Variants in ABCF2 observed in about 807,000 individuals in gnomAD.
The protein encoded by ABCF2 is ATP binding cassette subfamily F member 2.
ABCF2 carries 37 observed loss-of-function variants against 76.9 expected under a neutral mutation model. The observed-to-expected ratio is 0.48, with a 90% CI of 0.37 to 0.63. The LOEUF (loss-of-function observed/expected upper bound fraction) is 0.63, where lower values mean the gene tolerates loss of function less well. Ranked by LOEUF, ABCF2 falls within the 30% of genes least tolerant of loss-of-function variation. The probability of loss-of-function intolerance (pLI) is 0.00; values close to 1 mark genes in which losing one functional copy is unlikely to be tolerated. For missense variants in ABCF2, 524 were observed against 782.1 expected, an observed-to-expected ratio of 0.67 and a Z score of 3.94; for synonymous variants, 299 against 283.7, an observed-to-expected ratio of 1.05 and a Z score of -0.54.
Position 151,226,437 on chromosome 7 carries a change from T to C in ABCF2, c.22A>G (p.Lys8Glu). The part of the protein sequence containing the change: MPSDLAK[K>E]KAAKKKEAAK... Reference sequence around the variant, plus strand: ...GCCTCCTTCTTTTTGGCTGCCTTCTTCTTGGCCAGGTCGGAGGGCATGATG... The same window carrying C: ...GCCTCCTTCTTTTTGGCTGCCTTCTCCTTGGCCAGGTCGGAGGGCATGATG... Residue 8 changes from lysine (K) to glutamate (E), a missense_variant, in exon 2 of 15, where the codon AAG (lysine) becomes GAG (glutamate). Physicochemically the swap from Lys to Glu is moderately conservative, Grantham distance 56. Transcript: ENST00000287844. The C allele has an allele frequency of 6.2e-7, 1 of 1,614,140 alleles. No individual in the cohort carries two copies. Among genetic ancestry groups the C allele is most frequent in the Non-Finnish European group, 8.5e-7 (1 of 1,180,010 alleles).
At position 151,224,989 on chromosome 7, in the gene ABCF2, C is replaced by G; in HGVS notation, c.155-1G>C. ...AGCTCCTTGGTCAGCAAATCTACTT[C>G]TGCGGATAGAAAAGCAGTTTGGGAA... is the stretch of plus-strand genomic sequence containing the variant. On this transcript the variant is annotated splice_acceptor_variant, in intron 2 of 14. Coordinates refer to ENST00000287844, the MANE Select transcript of ABCF2 (RefSeq NM_007189.3). LOFTEE classifies it high-confidence loss of function. 1 of 1,613,868 alleles carries G rather than the reference C, an allele frequency of 6.2e-7. No individual in the cohort carries two copies. Among genetic ancestry groups the G allele is most frequent in the Non-Finnish European group, 8.5e-7 (1 of 1,180,026 alleles).
At position 151,211,625 on chromosome 7, in the gene ABCF2, T is replaced by C. The variant is rs961978363; in HGVS notation, c.*2429A>G. The C allele has an allele frequency of 2.0e-6, 2 of 985,274 alleles. No homozygotes were observed. Among genetic ancestry groups the C allele is most frequent in the African/African-American group, 1.7e-5 (1 of 57,224 alleles). The allele number at this position is 985,274 out of a possible 1,614,324, so 61.0% of individuals were successfully genotyped here. A position where few individuals can be genotyped will look rare whatever the true frequency, so the allele number is the denominator to read the frequency against. On this transcript the variant is annotated 3_prime_UTR_variant, in exon 15 of 15. Coordinates refer to ENST00000287844, the MANE Select transcript of ABCF2 (RefSeq NM_007189.3). ...ATCTCCTGTCCTAGTATGGAGACTCTGGAGATCCCGAGACTACCTGAATTC... is the reference window on the plus strand; with the variant it reads ...ATCTCCTGTCCTAGTATGGAGACTCCGGAGATCCCGAGACTACCTGAATTC...
Position 151,221,570 on chromosome 7 carries a change from C to A in ABCF2, c.921+8G>T, listed in dbSNP as rs1478529196. The A allele has an allele frequency of 3.3e-6, 5 of 1,525,378 alleles. No homozygotes were observed. The African/African-American group carries it at 5.5e-5, about 17-fold the overall frequency. 94.5% of individuals were successfully genotyped at this position (1,525,378 alleles called of 1,614,324 possible). On this transcript the variant is annotated splice_region_variant and intron_variant, in intron 7 of 14. Coordinates refer to ENST00000287844, the MANE Select transcript of ABCF2 (RefSeq NM_007189.3). The stretch of plus-strand genomic sequence containing the variant: ...AGAGATTACCAGAAGAAGCCGAGGC[C>A]CACTCACCGTATAATACTTCAGTTT...
In ABCF2 at chr7:151,213,631, A is replaced by G. The variant is rs1802091712; in HGVS notation, c.*423T>C. On this transcript the variant is annotated 3_prime_UTR_variant, in exon 15 of 15. Coordinates refer to ENST00000287844, the MANE Select transcript of ABCF2 (RefSeq NM_007189.3). ...TCCTGGTCCGGAGCTCCAAACCAGA[A>G]GCAAAAAGGAATCGGGGCGGTGGGC... is the stretch of plus-strand genomic sequence containing the variant. The G allele has an allele frequency of 2.0e-6, 2 of 997,124 alleles. No homozygotes were observed. Among genetic ancestry groups the G allele is most frequent in the Admixed American group, 1.2e-4 (2 of 16,554 alleles). The allele number at this position is 997,124 out of a possible 1,614,324, so 61.8% of individuals were successfully genotyped here.
chr7:151,223,513 G>A (rs542091013), intron 5 of ABCF2, among the ~76,000 whole-genome samples, 165 bp downstream of exon 5: 24 of 152,256 alleles, frequency 1.6e-4, no homozygotes, highest in African/African-American at 5.8e-4. Context: ...CAGCCAGGAA[G>A]CTCTCTCTCT....
rs1802327745 is a variant in ABCF2, at chr7:151,224,097, A to G, written c.385T>C (p.Ser129Pro). The G allele has an allele frequency of 6.2e-7, 1 of 1,614,190 alleles. No individual in the cohort carries two copies. Among genetic ancestry groups the G allele is most frequent in the Non-Finnish European group, 8.5e-7 (1 of 1,180,024 alleles). Reference sequence around the variant, plus strand: ...GGCACTTCACGCTTCCCAATAGCAGAGAGCAGCATGGACTTTCCTGAGAGG... The same window carrying G: ...GGCACTTCACGCTTCCCAATAGCAGGGAGCAGCATGGACTTTCCTGAGAGG... The part of the protein sequence containing the change: ...LNGIGKSMLL[S>P]AIGKREVPIP... Residue 129 changes from serine to proline, a missense_variant, in exon 4 of 15, where the codon TCT (serine) becomes CCT (proline). By Grantham distance (74) the Ser-to-Pro change is moderately conservative. Transcript: ENST00000287844.
At position 151,212,019 on chromosome 7, in the gene ABCF2, GA is replaced by G; in HGVS notation, c.*2034del. 1 of 949,618 alleles carries G rather than the reference GA, an allele frequency of 1.1e-6. No individual in the cohort carries two copies. The highest frequency in any genetic ancestry group is 1.3e-6 in the Non-Finnish European group (1 of 797,464). The allele number at this position is 949,618 out of a possible 1,614,324, so 58.8% of individuals were successfully genotyped here. A position where few individuals can be genotyped will look rare whatever the true frequency, so the allele number is the denominator to read the frequency against. ...CTCACAAGAAATTTCCCTCCTTTTTGAATACTTCTGTCTCCTATCTAAATCA... is the reference window on the plus strand; with the variant it reads ...CTCACAAGAAATTTCCCTCCTTTTTGATACTTCTGTCTCCTATCTAAATCA... On this transcript the variant is annotated 3_prime_UTR_variant, in exon 15 of 15. Coordinates refer to ENST00000287844, the MANE Select transcript of ABCF2 (RefSeq NM_007189.3).
intron 6 of ABCF2, among the ~76,000 whole-genome samples, 169 bp downstream of exon 6, chr7:151,222,352 C>T (rs989468275): frequency 2.0e-5 from 3 of 151,912 alleles, no homozygotes; most frequent in Non-Finnish European, 4.4e-5. Context: ...AATAAAAGGC[C>T]AGCCTTCAAC....
Position 151,213,275 on chromosome 7 carries a change from T to G in ABCF2, c.*779A>C. On this transcript the variant is annotated 3_prime_UTR_variant, in exon 15 of 15. Transcript: ENST00000287844. ...GCTGAGGCGAGATCTGGCAATCTGA[T>G]TGCATGAGCCCTCCAGGTGATTCTG... 6 of 978,664 alleles carry G rather than the reference T, an allele frequency of 6.1e-6. No individual in the cohort carries two copies. The highest frequency in any genetic ancestry group is 6.1e-6 in the Non-Finnish European group (5 of 823,804). The allele number at this position is 978,664 out of a possible 1,614,324, so 60.6% of individuals were successfully genotyped here. A position where few individuals can be genotyped will look rare whatever the true frequency, so the allele number is the denominator to read the frequency against.
chr7:151,224,663 C>G, intron 3 of ABCF2, 113 bp downstream of exon 3: 1 of 989,474 alleles, frequency 1.0e-6, no homozygotes, highest in South Asian at 1.4e-5. Context: ...AATCTGGTCT[C>G]CCATCCCTAT....
At chr7:151,224,247 G>T in intron 3 of ABCF2, 133 bp from the exon 4 acceptor site, 2 of 833,082 alleles carry the variant, frequency 2.4e-6, no homozygotes, top group South Asian at 1.7e-5. Flanking sequence ...CCCTTCATTC[G>T]TTCAAATCTT....
chr7:151,213,732 CT>C lies in ABCF2; in HGVS notation c.*321del. The C allele has an allele frequency of 9.0e-7, 1 of 1,115,804 alleles. No individual in the cohort carries two copies. Among genetic ancestry groups the C allele is most frequent in the Middle Eastern group, 3.9e-4 (1 of 2,582 alleles). 69.1% of individuals were successfully genotyped at this position (1,115,804 alleles called of 1,614,324 possible). ...GCTCCTCCGCAGGCCAAATCCAGGG[CT>C]TGGGCCCCTGGGCTAACCCGCAGGT... is the stretch of plus-strand genomic sequence containing the variant. On this transcript the variant is annotated 3_prime_UTR_variant, in exon 15 of 15. Transcript: ENST00000287844.
intron 1 of ABCF2, chr7:151,226,712 C>A: frequency 2.5e-6 from 1 of 406,682 alleles, no homozygotes; most frequent in Admixed American, 4.5e-5. Flanking sequence ...TTCCCACAGG[C>A]ACCAGTCCCC....
intron 8 of ABCF2, 34 bp downstream of exon 8, chr7:151,219,027 ACAG>A (rs773629266): frequency 2.4e-5 from 37 of 1,568,730 alleles, no homozygotes; most frequent in African/African-American, 4.3e-5. Context: ...CTTCTTTCAG[ACAG>A]GAGGCCATGA....
intron 7 of ABCF2, 39 bp downstream of exon 7, chr7:151,221,539 A>G (rs1433804364): frequency 8.3e-7 from 1 of 1,211,844 alleles, no homozygotes. Context: ...GAGAATTGGT[A>G]TGCACAGAGA....
intron 2 of ABCF2, among the ~76,000 whole-genome samples, chr7:151,225,199 A>T (rs183692579): frequency 6.6e-6 from 1 of 152,288 alleles, no homozygotes; most frequent in Admixed American, 6.5e-5. Flanking sequence ...CATCACTCTT[A>T]ACTTCTGTCC....
rs1442922292 is a variant in ABCF2, at chr7:151,214,933, A to G, written c.1680T>C (p.Asn560=). ...ETIDALADAI[N]EFEGGMMLVS... is the part of the protein sequence containing the mutation. ...CCAGCATCATACCACCCTCAAACTC[A>G]TTGATGGCATCTGCCAGGGCGTCGA... The change falls in exon 14 of 15, where the codon AAT becomes AAC. Residue 560 remains asparagine (N), a synonymous_variant. Transcript: ENST00000287844. The surrounding 1 kb of genome is among the most constrained non-coding windows in gnomAD (Gnocchi z 4.9). 2 of 1,614,142 alleles carry G rather than the reference A, an allele frequency of 1.2e-6. No homozygotes were observed. The highest frequency in any genetic ancestry group is 8.5e-7 in the Non-Finnish European group (1 of 1,180,016).
chr7:151,219,215 G>A, intron 7 of ABCF2, 56 bp from the exon 8 acceptor site: 1 of 1,484,750 alleles, frequency 6.7e-7, no homozygotes, highest in Non-Finnish European at 9.4e-7. Context: ...TTCAATCCTG[G>A]ATTCTCACTC....
rs1802080444 is a variant in ABCF2, at chr7:151,213,104, C to T, written c.*950G>A. ...CAGCCCAACTGCTGTGCAGTTGGGGCAGAACCTCAGATCACAATCAGAAAA... is the reference window on the plus strand; with the variant it reads ...CAGCCCAACTGCTGTGCAGTTGGGGTAGAACCTCAGATCACAATCAGAAAA... On this transcript the variant is annotated 3_prime_UTR_variant, in exon 15 of 15. Transcript: ENST00000287844. 3.0e-6 allele frequency: 3 copies of T among 985,300 alleles called. No homozygotes were observed. Among genetic ancestry groups the T allele is most frequent in the Non-Finnish European group, 3.6e-6 (3 of 829,842 alleles). 61.0% of individuals were successfully genotyped at this position (985,300 alleles called of 1,614,324 possible). A position where few individuals can be genotyped will look rare whatever the true frequency, so the allele number is the denominator to read the frequency against.
Sources: allele counts gnomAD v4.1 joint callset (sites outside exome capture counted in the v4.1 genomes callset), GRCh38; gene constraint gnomAD v4.1.1; non-coding constraint Gnocchi (gnomAD v3.1); transcripts MANE v1.5; gene names NCBI Gene and HGNC (gene_info 2026-07-23, HGNC 2026-07-21).